Variants in FAM227A observed in about 807,000 individuals in gnomAD.
FAM227A encodes protein FAM227A.
Under a neutral mutation model 74.7 loss-of-function variants are expected in FAM227A, and 80 were observed. The ratio of observed to expected loss-of-function variants is 1.07; its 90% CI spans 0.89 to 1.29. The LOEUF is 1.29. Among genes scored for constraint, FAM227A ranks in the 50% most tolerant of loss-of-function variants. The pLI, the probability that FAM227A is intolerant of heterozygous loss-of-function variation, is 0.00. For missense variants in FAM227A, 654 were observed against 683.4 expected, an observed-to-expected ratio of 0.96 and a Z score of 0.48; for synonymous variants, 237 against 241.8, an observed-to-expected ratio of 0.98 and a Z score of 0.19.
At chr22:38,639,903 C>G (rs1454446250) in intron 3 of FAM227A, among the ~76,000 whole-genome samples, 179 bp from the exon 4 acceptor site, 2 of 152,114 alleles carry the variant, frequency 1.3e-5, no homozygotes, top group Non-Finnish European at 2.9e-5. Flanking sequence ...CTGACATCAT[C>G]CCCCAGAGTG....
At chr22:38,611,368 G>C (rs1201367581) in intron 11 of FAM227A, among the ~76,000 whole-genome samples, 1 of 152,160 alleles carries the variant, frequency 6.6e-6, no homozygotes, top group Non-Finnish European at 1.5e-5. Flanking sequence ...TGCGGAGGGA[G>C]CTGCGCAGAC....
chr22:38,587,842 A>C lies in FAM227A; in HGVS notation c.1639-1643T>G, dbSNP rs186321599. On this transcript the variant is annotated intron_variant, in intron 16 of 16. Transcript: ENST00000535113. ...GCAGAGATCTTCAACAAATACTAAA[A>C]TATTAAAAGGATTATACACTAGGAA... is the stretch of plus-strand genomic sequence containing the variant. 3.4e-3 allele frequency among the ~76,000 whole-genome samples: 521 copies of C among 152,358 alleles called. 3 individuals are homozygous for C. The highest frequency in any genetic ancestry group is 5.9e-3 in the Non-Finnish European group (399 of 68,036).
rs114925564 is a variant in FAM227A, at chr22:38,599,621, G to A, written c.1379+143C>T. 3.0e-3 allele frequency: 1,990 copies of A among 652,562 alleles called. 39 individuals carry two copies. In the African/African-American group the frequency reaches 0.034, roughly 11 times the overall value. 40.4% of individuals were successfully genotyped at this position (652,562 alleles called of 1,614,324 possible). A position where few individuals can be genotyped will look rare whatever the true frequency, so the allele number is the denominator to read the frequency against. On this transcript the variant is annotated intron_variant, in intron 14 of 16. Coordinates refer to ENST00000535113, the MANE Select transcript of FAM227A (RefSeq NM_001013647.2). ...GAGCACGATTCTGACCCTGAGGCTCGCACCACTGGCCACCTCTGGCGAGTA... is the reference window on the plus strand; with the variant it reads ...GAGCACGATTCTGACCCTGAGGCTCACACCACTGGCCACCTCTGGCGAGTA...
At chr22:38,632,600 T>C (rs897014447) in intron 6 of FAM227A, among the ~76,000 whole-genome samples, 2 of 152,074 alleles carry the variant, frequency 1.3e-5, no homozygotes, top group African/African-American at 4.8e-5. Flanking sequence ...ACTAAGACAA[T>C]GACCAAGGTC....
chr22:38,621,779 G>C (rs2091696620), intron 10 of FAM227A, among the ~76,000 whole-genome samples: 1 of 152,142 alleles, frequency 6.6e-6, no homozygotes, highest in Non-Finnish European at 1.5e-5. Flanking sequence ...TGCAGAGTCG[G>C]AGTCAGTTGA....
chr22:38,632,128 G>A (rs2091925762), intron 6 of FAM227A, among the ~76,000 whole-genome samples: 1 of 152,148 alleles, frequency 6.6e-6, no homozygotes, highest in South Asian at 2.1e-4. Flanking sequence ...GAGCCTGAGG[G>A]GCACTGAGGT....
rs138889375 is a variant in FAM227A at position 38,612,214 on chromosome 22, A to T, written c.1039-4738T>A. ...GTGATCTTTAAAAAATATAAATCAC[A>T]TCATGTCATCCCTAATGTAATGAAT... On this transcript the variant is annotated intron_variant, in intron 11 of 16. Transcript: ENST00000535113. Among the ~76,000 whole-genome samples, 4 of 152,322 alleles carry T rather than the reference A, an allele frequency of 2.6e-5. No homozygotes were observed. In the East Asian group the frequency reaches 7.7e-4, roughly 29 times the overall value.
At chr22:38,613,217 C>A (rs1179939684) in intron 11 of FAM227A, among the ~76,000 whole-genome samples, 6 of 50,364 alleles carry the variant, frequency 1.2e-4, no homozygotes, top group African/African-American at 5.0e-4. Flanking sequence ...TATATCTATG[C>A]TGTATATATA....
rs767428516 is a variant in FAM227A at position 38,642,690 on chromosome 22, C to A, written c.225+2873G>T. ...GTGGCTCACGCCTGTAATCCCAGCACTTTGGGAGGCCAAGGTGAGCGGATC... is the reference window on the plus strand; with the variant it reads ...GTGGCTCACGCCTGTAATCCCAGCAATTTGGGAGGCCAAGGTGAGCGGATC... On this transcript the variant is annotated intron_variant, in intron 3 of 16. Transcript: ENST00000535113. 2.0e-5 allele frequency among the ~76,000 whole-genome samples: 3 copies of A among 152,192 alleles called. No individual in the cohort carries two copies. In the East Asian group the frequency reaches 5.8e-4, roughly 29 times the overall value.
At position 38,650,081 on chromosome 22, in the gene FAM227A, C is replaced by T. The variant is rs769478191; in HGVS notation, c.88G>A (p.Ala30Thr). 3.6e-5 allele frequency: 56 copies of T among 1,551,874 alleles called. No homozygotes were observed. The highest frequency in any genetic ancestry group is 1.6e-4 in the African/African-American group (12 of 72,986). The change falls in exon 2 of 17, where the codon GCA (alanine) becomes ACA (threonine). Residue 30 changes from alanine to threonine, a missense_variant. Coordinates refer to ENST00000535113, the MANE Select transcript of FAM227A (RefSeq NM_001013647.2). ...ACAGTCTTCACCATTGTATTCCGTG[C>T]GACAAGCGAGACAGCCAGGTGCTCA... ...VDEHLAVSLV[A>T]RNTMVKTVRK...
chr22:38,644,085 G>A (rs979316493), intron 3 of FAM227A, among the ~76,000 whole-genome samples: 5 of 146,462 alleles, frequency 3.4e-5, no homozygotes, highest in Non-Finnish European at 5.9e-5. Flanking sequence ...GGCAGAGCTT[G>A]CAGTGAGCCG....
At position 38,578,209 on chromosome 22, in the gene FAM227A, C is replaced by T. The variant is rs980234699; in HGVS notation, c.*7916G>A. On this transcript the variant is annotated 3_prime_UTR_variant, in exon 17 of 17. Transcript: ENST00000535113. ...GGCAACACAGTACATTTGTTCACAC[C>T]AACATCACCACAAACACGTGACTAA... 6.6e-6 allele frequency: 1 copy of T among 151,944 alleles called. No individual in the cohort carries two copies. The highest frequency in any genetic ancestry group is 2.4e-5 in the African/African-American group (1 of 41,320). 9.4% of individuals were successfully genotyped at this position (151,944 alleles called of 1,614,324 possible).
At chr22:38,638,987 C>T (rs1342131243) in intron 4 of FAM227A, among the ~76,000 whole-genome samples, 165 bp from the exon 5 acceptor site, 4 of 152,210 alleles carry the variant, frequency 2.6e-5, no homozygotes, top group Non-Finnish European at 5.9e-5. Flanking sequence ...GATTAGACCA[C>T]TTGATCCAGA....
chr22:38,629,163 G>A (rs2091868070), intron 6 of FAM227A, among the ~76,000 whole-genome samples: 1 of 152,140 alleles, frequency 6.6e-6, no homozygotes, highest in Non-Finnish European at 1.5e-5. Flanking sequence ...GCTGAGCCAG[G>A]ACTGGAACCC....
At chr22:38,623,762 T>G (rs549742243) in intron 9 of FAM227A, among the ~76,000 whole-genome samples, 1 of 152,200 alleles carries the variant, frequency 6.6e-6, no homozygotes, top group South Asian at 2.1e-4. Flanking sequence ...GGAGTGGGTC[T>G]TCTTCTTTAT....
In FAM227A at chr22:38,617,381, C is replaced by T. The variant is rs149497758; in HGVS notation, c.1038+2831G>A. Among the ~76,000 whole-genome samples the T allele has an allele frequency of 1.4e-3, 219 of 151,550 alleles. 3 individuals carry two copies. In the East Asian group the frequency reaches 0.02, roughly 14 times the overall value. ...CACGATCTCAGCTCACAGCAACCTC[C>T]GCCTCCCGGGTTAAAGCAAATCTCT... On this transcript the variant is annotated intron_variant, in intron 11 of 16. Coordinates refer to ENST00000535113, the MANE Select transcript of FAM227A (RefSeq NM_001013647.2).
chr22:38,604,754 A>G (rs2091249139), intron 13 of FAM227A, among the ~76,000 whole-genome samples: 1 of 152,092 alleles, frequency 6.6e-6, no homozygotes, highest in African/African-American at 2.4e-5. Flanking sequence ...CCCAGGTTCA[A>G]GCGATTCTCC....
At chr22:38,619,659 G>A (rs532510596) in intron 11 of FAM227A, among the ~76,000 whole-genome samples, 3 of 152,124 alleles carry the variant, frequency 2.0e-5, no homozygotes, top group Admixed American at 6.6e-5. Flanking sequence ...GGATAGGATA[G>A]GGTCAGGTGG....
At chr22:38,586,793 C>T (rs972078035) in intron 16 of FAM227A, among the ~76,000 whole-genome samples, 2 of 152,188 alleles carry the variant, frequency 1.3e-5, no homozygotes, top group East Asian at 3.9e-4. Context: ...CTCAGCTTCT[C>T]AAGTAGCTGG....
Sources: gnomAD v4.1 joint callset for allele counts (sites outside exome capture counted in the v4.1 genomes callset) on GRCh38, gnomAD v4.1.1 for gene constraint, MANE v1.5 for transcripts, NCBI Gene and HGNC (gene_info 2026-07-23, HGNC 2026-07-21) for gene names.